RMST: variants seen among roughly 807,000 people sequenced by gnomAD.
RMST encodes the protein rhabdomyosarcoma 2 associated transcript, also known as long intergenic non-protein coding RNA 54.
intron 5 of RMST, among the ~76,000 whole-genome samples, chr12:97,479,285 G>A (rs1259634491): frequency 4.0e-5 from 6 of 151,584 alleles, no homozygotes; most frequent in Non-Finnish European, 5.9e-5. Flanking sequence ...GACTACAGGT[G>A]CACACACCAC....
At chr12:97,470,546 A>G (rs78940903) in intron 5 of RMST, among the ~76,000 whole-genome samples, 1 of 152,108 alleles carries the variant, frequency 6.6e-6, no homozygotes, top group Non-Finnish European at 1.5e-5. Flanking sequence ...TTAAATATTT[A>G]TATTAGGGTT....
intron 5 of RMST, among the ~76,000 whole-genome samples, chr12:97,467,013 G>A (rs1873269985): frequency 6.6e-6 from 1 of 152,014 alleles, no homozygotes; most frequent in Admixed American, 6.6e-5. Context: ...AAAGAGGCAT[G>A]CAAGTCAGAG....
At chr12:97,493,829 T>TA (rs1877121799) in intron 7 of RMST, 2 of 152,204 alleles carry the variant, frequency 1.3e-5, no homozygotes, top group African/African-American at 4.8e-5. Flanking sequence ...TTCTTAAAGC[T>TA]AAAAAACTAT....
intron 10 of RMST, among the ~76,000 whole-genome samples, chr12:97,517,515 C>G (rs1402868479): frequency 6.6e-6 from 1 of 151,792 alleles, no homozygotes; most frequent in Admixed American, 6.6e-5. Flanking sequence ...TATATATACA[C>G]ATAGAAACAC....
At chr12:97,561,629 CTTTTTTTTTTTTTTTTT>C (rs9331504) in intron 13 of RMST, among the ~76,000 whole-genome samples, 1 of 56,648 alleles carries the variant, frequency 1.8e-5, no homozygotes, top group Non-Finnish European at 3.0e-5. Context: ...AGTTTGAAGG[CTTTTTTTTTTTTTTTTT>C]TTTTTTTTTT....
intron 10 of RMST, among the ~76,000 whole-genome samples, chr12:97,506,389 A>G (rs1253301157): frequency 6.6e-6 from 1 of 152,184 alleles, no homozygotes; most frequent in African/African-American, 2.4e-5. Context: ...TCAGCGATTA[A>G]TATAAAATAC....
chr12:97,500,135 C>A (rs1000021364), intron 10 of RMST, among the ~76,000 whole-genome samples: 1 of 152,160 alleles, frequency 6.6e-6, no homozygotes, highest in Non-Finnish European at 1.5e-5. Flanking sequence ...ATATGGCTGT[C>A]AATTGCCTTC....
At chr12:97,465,209 A>G (rs1873040818) in intron 4 of RMST, 1 of 152,368 alleles carries the variant, frequency 6.6e-6, no homozygotes, top group Non-Finnish European at 1.5e-5. Context: ...TCTGCTTTGC[A>G]ATTGCCAAGC....
At chr12:97,533,554 T>C (rs1881842180) in intron 11 of RMST, 1 of 151,870 alleles carries the variant, frequency 6.6e-6, no homozygotes, top group Non-Finnish European at 1.5e-5. Flanking sequence ...GGTTTAGTTT[T>C]ATTTTTCTCT....
In RMST at chr12:97,482,724, ATT is replaced by A. The variant is rs1875530128; in HGVS notation, n.645-9736_645-9735del. On this transcript the variant is annotated intron_variant and non_coding_transcript_variant, in intron 5 of 13. Coordinates refer to ENST00000640149, the Ensembl canonical transcript of RMST. ...ATAAATAAATTTATATTATTTATTTATTAAATAAATTTATATTATTTATTTAT... is the reference window on the plus strand; with the variant it reads ...ATAAATAAATTTATATTATTTATTTAAAATAAATTTATATTATTTATTTAT... Among the ~76,000 whole-genome samples, 3 of 39,362 alleles carry A rather than the reference ATT, an allele frequency of 7.6e-5. 1 individual carries two copies. The highest frequency in any genetic ancestry group is 3.6e-4 in the African/African-American group (3 of 8,240). 25.8% of individuals were successfully genotyped at this position (39,362 alleles called of 152,430 possible).
intron 11 of RMST, among the ~76,000 whole-genome samples, chr12:97,537,379 A>G (rs1882153201): frequency 6.6e-6 from 1 of 151,444 alleles, no homozygotes; most frequent in South Asian, 2.1e-4. Flanking sequence ...ATACAGGCCA[A>G]TTAAAGACTG....
chr12:97,545,297 T>A (rs1257712396), intron 11 of RMST, among the ~76,000 whole-genome samples: 1 of 152,090 alleles, frequency 6.6e-6, no homozygotes, highest in African/African-American at 2.4e-5. Flanking sequence ...CCTTTACATA[T>A]GTTTTCTTCT....
rs1001262860 is a variant in RMST at position 97,530,275 on chromosome 12, T to C, written n.1341-380T>C. 10 of 152,160 alleles carry C rather than the reference T, an allele frequency of 6.6e-5. No individual in the cohort carries two copies. In the East Asian group the frequency reaches 1.9e-3, roughly 30 times the overall value. 9.4% of individuals were successfully genotyped at this position (152,160 alleles called of 1,614,324 possible). On this transcript the variant is annotated intron_variant and non_coding_transcript_variant, in intron 10 of 13. Transcript: ENST00000640149. ...TGTAGCCTTAACATTGGGATTGCAG[T>C]CCTCCCTGTTGCAACTTAGCACATA...
At chr12:97,553,186 T>G (rs1271422815) in intron 11 of RMST, among the ~76,000 whole-genome samples, 1 of 152,186 alleles carries the variant, frequency 6.6e-6, no homozygotes, top group African/African-American at 2.4e-5. Context: ...TGACCCATCT[T>G]TTTTTTATTT....
chr12:97,527,304 G>A (rs1368547548), intron 10 of RMST, among the ~76,000 whole-genome samples: 1 of 152,096 alleles, frequency 6.6e-6, no homozygotes, highest in Non-Finnish European at 1.5e-5. Flanking sequence ...AGATTGCTTT[G>A]TTCTCACCAA....
intron 10 of RMST, among the ~76,000 whole-genome samples, chr12:97,511,315 A>C (rs1879266270): frequency 1.3e-5 from 2 of 151,832 alleles, no homozygotes; most frequent in Non-Finnish European, 2.9e-5. Flanking sequence ...CATGCTGCTG[A>C]TTTTTGTATT....
At chr12:97,507,941 T>G (rs191654338) in intron 10 of RMST, among the ~76,000 whole-genome samples, 148 of 152,256 alleles carry the variant, frequency 9.7e-4, no homozygotes, top group African/African-American at 3.5e-3. Flanking sequence ...CGAGAGACAC[T>G]CAGACCAGAG....
In RMST at chr12:97,495,157, A is replaced by G. The variant is rs1159124519; in HGVS notation, n.1214+276A>G. Among the ~76,000 whole-genome samples, 4 of 129,752 alleles carry G rather than the reference A, an allele frequency of 3.1e-5. No homozygotes were observed. In the Admixed American group the frequency reaches 3.2e-4, roughly 10 times the overall value. 85.1% of individuals were successfully genotyped at this position (129,752 alleles called of 152,430 possible). On this transcript the variant is annotated intron_variant and non_coding_transcript_variant, in intron 9 of 13. Coordinates refer to ENST00000640149, the Ensembl canonical transcript of RMST. ...GCATATTTAAATTAAAATATAAATT[A>G]TGTACATCATTATTCTTATGGGGGG...
chr12:97,477,703 C>T (rs1272600249), intron 5 of RMST, among the ~76,000 whole-genome samples: 1 of 152,146 alleles, frequency 6.6e-6, no homozygotes, highest in Non-Finnish European at 1.5e-5. Flanking sequence ...ATACTTAATG[C>T]ATGGTTTTTC....
Sources: gnomAD v4.1 joint callset for allele counts (sites outside exome capture counted in the v4.1 genomes callset) on GRCh38, gnomAD v4.1.1 for gene constraint, MANE v1.5 for transcripts, NCBI Gene and HGNC (gene_info 2026-07-23, HGNC 2026-07-21) for gene names.